Variants in SPAM1 observed in about 807,000 individuals in gnomAD.
SPAM1 encodes the protein sperm adhesion molecule 1, also known as hyaluronidase PH-20.
Under a neutral mutation model 29.6 loss-of-function variants are expected in SPAM1, and 22 were observed. That is an observed-to-expected ratio of 0.74 (90% CI 0.53 to 1.06). SPAM1 has a LOEUF of 1.06. Among genes scored for constraint, SPAM1 ranks in the 50% least tolerant of loss-of-function variants. SPAM1 has a pLI of 0.00. For synonymous variants in SPAM1, 194 were observed against 204.6 expected, an observed-to-expected ratio of 0.95 and a Z score of 0.44; for missense variants, 534 against 604.0, an observed-to-expected ratio of 0.88 and a Z score of 1.21.
intron 5 of SPAM1, among the ~76,000 whole-genome samples, chr7:123,968,198 G>A (rs1792452545): frequency 6.6e-6 from 1 of 152,052 alleles, no homozygotes; most frequent in Admixed American, 6.6e-5. Flanking sequence ...CTTGAGAGTA[G>A]CTGCTGAGGG....
chr7:123,928,802 A>G (rs1277633399), intron 1 of SPAM1, among the ~76,000 whole-genome samples: 1 of 152,090 alleles, frequency 6.6e-6, no homozygotes, highest in East Asian at 1.9e-4. Flanking sequence ...GTTTTTTTCA[A>G]TGTCTAGGTT....
Position 123,953,744 on chromosome 7 carries a change from A to G in SPAM1, c.174A>G (p.Glu58=). 6.2e-7 allele frequency: 1 copy of G among 1,612,928 alleles called. No homozygotes were observed. ...TCTGGGCCTGGAATGCCCCAAGTGA[A>G]TTTTGTCTTGGAAAATTTGATGAGC... is the stretch of plus-strand genomic sequence containing the variant. ...PFLWAWNAPS[E]FCLGKFDEPL... The change falls in exon 3 of 5, where the codon GAA becomes GAG. Residue 58 remains glutamate (E), a synonymous_variant. Coordinates refer to ENST00000682466, the MANE Select transcript of SPAM1 (RefSeq NM_153189.3).
chr7:123,967,842 T>C (rs1413911509), intron 5 of SPAM1, among the ~76,000 whole-genome samples: 4 of 152,012 alleles, frequency 2.6e-5, no homozygotes, highest in African/African-American at 9.7e-5. Flanking sequence ...AGAAAGTACA[T>C]TGTGGAGAAA....
intron 1 of SPAM1, among the ~76,000 whole-genome samples, chr7:123,935,820 T>A (rs181909916): frequency 2.0e-5 from 3 of 152,326 alleles, no homozygotes; most frequent in Admixed American, 2.0e-4. Context: ...CATAAAACAA[T>A]ACTCACCCTT....
chr7:123,954,947 G>A (rs1409969407), intron 3 of SPAM1, 50 bp from the exon 4 acceptor site: 1 of 1,230,070 alleles, frequency 8.1e-7, no homozygotes, highest in Non-Finnish European at 1.2e-6. Flanking sequence ...CCTATGTATA[G>A]CACTTTCATT....
chr7:123,926,891 T>G lies in SPAM1; in HGVS notation c.-319+1539T>G, dbSNP rs183756982. On this transcript the variant is annotated intron_variant, in intron 1 of 4. Coordinates refer to ENST00000682466, the MANE Select transcript of SPAM1 (RefSeq NM_153189.3). ...AGAGACCAGGTTGTAAATAGTTTTTTTATAGGACTTAAAAGTGTGCCTGGC... is the reference window on the plus strand; with the variant it reads ...AGAGACCAGGTTGTAAATAGTTTTTGTATAGGACTTAAAAGTGTGCCTGGC... 7.2e-5 allele frequency among the ~76,000 whole-genome samples: 11 copies of G among 152,262 alleles called. No homozygotes were observed. The East Asian group carries it at 1.9e-3, about 27-fold the overall frequency.
Position 123,931,305 on chromosome 7 carries a change from AAC to A in SPAM1, c.-319+5954_-319+5955del, listed in dbSNP as rs1358776942. On this transcript the variant is annotated intron_variant, in intron 1 of 4. Transcript: ENST00000682466. ...CCTTTTTTCCAAAAGTCAGCCATAA[AAC>A]CTAAAAATATTACTCTAACTTTCCC... Among the ~76,000 whole-genome samples the A allele has an allele frequency of 2.6e-5, 4 of 152,262 alleles. No individual in the cohort carries two copies. The East Asian group carries it at 7.7e-4, about 29-fold the overall frequency.
intron 2 of SPAM1, among the ~76,000 whole-genome samples, chr7:123,952,315 G>A (rs1310696692): frequency 6.6e-6 from 1 of 151,982 alleles, no homozygotes. Flanking sequence ...TTCAGCAATG[G>A]GAATGACTGG....
intron 1 of SPAM1, among the ~76,000 whole-genome samples, chr7:123,942,776 C>A (rs1049341562): frequency 6.6e-6 from 1 of 152,124 alleles, no homozygotes; most frequent in African/African-American, 2.4e-5. Context: ...GATATAAGAT[C>A]AGCTTTCTGA....
At chr7:123,948,064 G>A (rs188209465) in intron 1 of SPAM1, among the ~76,000 whole-genome samples, 2 of 152,128 alleles carry the variant, frequency 1.3e-5, no homozygotes, top group African/African-American at 4.8e-5. Context: ...AACTTATCTT[G>A]TTGAATCAAG....
At position 123,959,807 on chromosome 7, in the gene SPAM1, T is replaced by C. The variant is rs1792329998; in HGVS notation, c.1368T>C (p.Asp456=). 6.2e-7 allele frequency: 1 copy of C among 1,613,280 alleles called. No homozygotes were observed. The highest frequency in any genetic ancestry group is 1.7e-5 in the Admixed American group (1 of 59,878). Reference sequence around the variant, plus strand: ...ATGTAAAAGACACTGATGCTGTTGATGTGTGTATTGCTGATGGTGTCTGTA... The same window carrying C: ...ATGTAAAAGACACTGATGCTGTTGACGTGTGTATTGCTGATGGTGTCTGTA... ...KADVKDTDAV[D]VCIADGVCID... is the part of the protein sequence containing the mutation. Residue 456 remains aspartate (D), a synonymous_variant, in exon 5 of 5, where the codon GAT becomes GAC. Transcript: ENST00000682466.
Position 123,966,508 on chromosome 7 carries a change from G to A in SPAM1, c.1486-3690G>A, listed in dbSNP as rs200545965. On this transcript the variant is annotated intron_variant, in intron 5 of 6. Transcript: ENST00000340011. ...CAGCCTTATTCACAATAGCAAAGAC[G>A]TAATCAACCTAAATGCCTATCAATG... 5.3e-5 allele frequency among the ~76,000 whole-genome samples: 8 copies of A among 151,862 alleles called. No individual in the cohort carries two copies. In the East Asian group the frequency reaches 7.7e-4, roughly 15 times the overall value.
downstream of SPAM1, among the ~76,000 whole-genome samples, chr7:123,963,161 T>C (rs968795609): frequency 2.0e-5 from 3 of 151,882 alleles, no homozygotes; most frequent in Non-Finnish European, 4.4e-5. Flanking sequence ...TAGATAGATA[T>C]TGCAAAATTA....
intron 4 of SPAM1, among the ~76,000 whole-genome samples, chr7:123,955,853 A>G (rs1792238152): frequency 6.6e-6 from 1 of 152,002 alleles, no homozygotes. Flanking sequence ...AAGAAGGTAT[A>G]TGGCCCTTGG....
At position 123,953,905 on chromosome 7, in the gene SPAM1, G is replaced by T; in HGVS notation, c.335G>T (p.Gly112Val). The T allele has an allele frequency of 1.2e-6, 2 of 1,613,636 alleles. No individual in the cohort carries two copies. Among genetic ancestry groups the T allele is most frequent in the South Asian group, 2.2e-5 (2 of 91,068 alleles). The change falls in exon 3 of 5, where the codon GGA becomes GTA. Residue 112 changes from glycine (G) to valine (V), a missense_variant. Physicochemically the swap from Gly to Val is moderately radical, Grantham distance 109. Transcript: ENST00000682466. ...TCAATCACAGGAGTAACTGTGAATG[G>T]AGGAATCCCCCAGAAGATTTCCTTA... is the stretch of plus-strand genomic sequence containing the variant. ...IDSITGVTVN[G>V]GIPQKISLQD...
intron 1 of SPAM1, among the ~76,000 whole-genome samples, chr7:123,933,524 T>C (rs1213455960): frequency 6.6e-6 from 1 of 152,112 alleles, no homozygotes; most frequent in Non-Finnish European, 1.5e-5. Flanking sequence ...GGAGTAGTAA[T>C]TTGTGGAAAA....
rs977939707 is a variant in SPAM1 at position 123,959,414 on chromosome 7, A to G, written c.1045-70A>G. 36 of 1,113,414 alleles carry G rather than the reference A, an allele frequency of 3.2e-5. 1 individual carries two copies. In the Middle Eastern group the frequency reaches 4.2e-3, roughly 131 times the overall value. The allele number at this position is 1,113,414 out of a possible 1,614,324, so 69.0% of individuals were successfully genotyped here. On this transcript the variant is annotated intron_variant, in intron 4 of 4. Transcript: ENST00000682466. ...TTCTTCTGTAAAAAAATTGCTTAAT[A>G]CACTAAATTAATTCGCATTTGAACT...
At position 123,952,909 on chromosome 7, in the gene SPAM1, GT is replaced by G. The variant is rs1211839691; in HGVS notation, c.-206-455del. On this transcript the variant is annotated intron_variant, in intron 2 of 4. Transcript: ENST00000682466. The stretch of plus-strand genomic sequence containing the variant: ...CTCCCCTTTGAAAAAAAAAAAAAAA[GT>G]GAAAAAAGAGAAAAAAAGAAAGAAA... Among the ~76,000 whole-genome samples, 637 of 143,348 alleles carry G rather than the reference GT, an allele frequency of 4.4e-3. 8 individuals carry two copies. The highest frequency in any genetic ancestry group is 0.016 in the African/African-American group (606 of 38,906). 94.0% of individuals were successfully genotyped at this position (143,348 alleles called of 152,430 possible).
intron 1 of SPAM1, among the ~76,000 whole-genome samples, chr7:123,944,370 A>G (rs1328372955): frequency 6.6e-6 from 1 of 152,194 alleles, no homozygotes; most frequent in African/African-American, 2.4e-5. Flanking sequence ...GCACCTGCAG[A>G]AAGTTACACG....
Sources: gnomAD v4.1 joint callset for allele counts (sites outside exome capture counted in the v4.1 genomes callset) on GRCh38, gnomAD v4.1.1 for gene constraint, MANE v1.5 for transcripts, NCBI Gene and HGNC (gene_info 2026-07-23, HGNC 2026-07-21) for gene names.